ANKRD11: variants seen among roughly 807,000 people sequenced by gnomAD.
ANKRD11 encodes the protein ankyrin repeat domain-containing protein 11.
A neutral mutation model predicts 195.7 loss-of-function variants in ANKRD11; 17 were observed. That is an observed-to-expected ratio of 0.09 (90% CI 0.06 to 0.13). ANKRD11 has a LOEUF of 0.13. Among genes scored for constraint, ANKRD11 ranks in the 10% least tolerant of loss-of-function variants. The pLI is 1.00. For missense variants in ANKRD11, 3,735 were observed against 3,566.1 expected (o/e 1.05, Z -1.21); for synonymous variants, 1,953 against 1,528.1 (o/e 1.28, Z -6.49).
At chr16:89,426,529 TCACACACACACACACACACA>T (rs55664494) in intron 1 of ANKRD11, among the ~76,000 whole-genome samples, 5 of 142,258 alleles carry the variant, frequency 3.5e-5, no homozygotes, top group South Asian at 2.3e-4. Context: ...CACTTAAACA[TCACACACACACACACACACA>T]CACACACACA....
intron 2 of ANKRD11, among the ~76,000 whole-genome samples, chr16:89,381,331 C>CAAAAAAAAAAAAAAA (rs10567322): frequency 2.0e-4 from 15 of 76,366 alleles, no homozygotes; most frequent in African/African-American, 8.6e-4. Context: ...GACTCTGCTG[C>CAAAAAAAAAAAAAAA]AAAAAAAAAA....
intron 2 of ANKRD11, among the ~76,000 whole-genome samples, chr16:89,378,858 A>G (rs2040529152): frequency 7.1e-6 from 1 of 141,334 alleles, no homozygotes; most frequent in Non-Finnish European, 1.5e-5. Flanking sequence ...TAAGGGGTTG[A>G]TGGGTGGGGC....
chr16:89,437,577 A>C (rs1252536858), intron 1 of ANKRD11, among the ~76,000 whole-genome samples: 5 of 152,136 alleles, frequency 3.3e-5, no homozygotes. Context: ...AGCTCTCTCC[A>C]ACCTGACATC....
Position 89,316,954 on chromosome 16 carries a change from C to T in ANKRD11, c.66G>A (p.Val22=). ...TTACCTTTTTCCCAGTCTGCTTCTC[C>T]ACCATGTCGCTGCTGAGGGGAAGCT... ...QEELPLSSDM[V]EKQTGKKDKD... Residue 22 remains valine (V), a synonymous_variant, in exon 3 of 13, where the codon GTG becomes GTA. Transcript: ENST00000301030. 3 of 1,613,828 alleles carry T rather than the reference C, an allele frequency of 1.9e-6. No homozygotes were observed. The highest frequency in any genetic ancestry group is 1.1e-5 in the South Asian group (1 of 90,910).
At chr16:89,378,049 A>T (rs892749185) in intron 2 of ANKRD11, among the ~76,000 whole-genome samples, 1 of 152,114 alleles carries the variant, frequency 6.6e-6, no homozygotes, top group African/African-American at 2.4e-5. Flanking sequence ...AGTATACAAT[A>T]CATACGACAT....
At chr16:89,345,824 C>T (rs554212035) in intron 2 of ANKRD11, among the ~76,000 whole-genome samples, 3 of 152,250 alleles carry the variant, frequency 2.0e-5, no homozygotes, top group South Asian at 2.1e-4. Context: ...TAGGTACAGA[C>T]TTGAGGCCAG....
chr16:89,469,986 A>G (rs1421350500), intron 1 of ANKRD11, among the ~76,000 whole-genome samples: 1 of 138,374 alleles, frequency 7.2e-6, no homozygotes, highest in Non-Finnish European at 1.5e-5. Context: ...GCTCATTGCA[A>G]CCTCCACTTC....
chr16:89,349,983 A>G (rs923876781), intron 2 of ANKRD11, among the ~76,000 whole-genome samples: 7 of 152,122 alleles, frequency 4.6e-5, no homozygotes, highest in African/African-American at 1.7e-4. Flanking sequence ...AAATCAGCAG[A>G]CAACCCGATT....
intron 2 of ANKRD11, among the ~76,000 whole-genome samples, chr16:89,357,426 T>A (rs1024868599): frequency 6.6e-6 from 1 of 151,968 alleles, no homozygotes; most frequent in African/African-American, 2.4e-5. Context: ...GGTGGGAACA[T>A]ATAATGGTGC....
intron 1 of ANKRD11, among the ~76,000 whole-genome samples, chr16:89,418,782 G>A (rs912741558): frequency 2.0e-5 from 3 of 146,964 alleles, no homozygotes; most frequent in Non-Finnish European, 3.0e-5. Flanking sequence ...TTTTTTTTTG[G>A]AGACAGAGTT....
Position 89,284,789 on chromosome 16 carries a change from T to C in ANKRD11, c.1753A>G (p.Ser585Gly). The change falls in exon 9 of 13, where the codon AGT (serine) becomes GGT (glycine). Residue 585 changes from serine (S) to glycine (G), a missense_variant. Coordinates refer to ENST00000301030, the MANE Select transcript of ANKRD11 (RefSeq NM_013275.6). ...SESDYSSEGSSVESLKPVRKR... is the reference protein window; with the variant it reads ...SESDYSSEGSGVESLKPVRKR... ...CTCACTGGCTTCAGCGATTCCACACTGGAGCCCTCAGAGGAGTAGTCAGAC... is the reference window on the plus strand; with the variant it reads ...CTCACTGGCTTCAGCGATTCCACACCGGAGCCCTCAGAGGAGTAGTCAGAC... The C allele has an allele frequency of 6.2e-7, 1 of 1,613,700 alleles. No individual in the cohort carries two copies. Among genetic ancestry groups the C allele is most frequent in the Non-Finnish European group, 8.5e-7 (1 of 1,180,030 alleles).
chr16:89,422,871 ACTT>A (rs1236385995), intron 1 of ANKRD11, among the ~76,000 whole-genome samples: 1 of 152,160 alleles, frequency 6.6e-6, no homozygotes, highest in Non-Finnish European at 1.5e-5. Context: ...CACTTTAATC[ACTT>A]TTTTCTTTTT....
At chr16:89,489,248 C>G (rs1163280886) in intron 1 of ANKRD11, 1 of 152,026 alleles carries the variant, frequency 6.6e-6, no homozygotes, top group Non-Finnish European at 1.5e-5. Flanking sequence ...CGCGCGCGCA[C>G]ACACATACAC....
chr16:89,432,405 A>G (rs1000323283), intron 1 of ANKRD11, among the ~76,000 whole-genome samples: 21 of 152,084 alleles, frequency 1.4e-4, no homozygotes, highest in Non-Finnish European at 2.8e-4. Context: ...GCCGCCTCCC[A>G]GAGCCCGTGG....
intron 2 of ANKRD11, among the ~76,000 whole-genome samples, chr16:89,370,499 C>T (rs1203935541): frequency 1.3e-5 from 2 of 152,202 alleles, no homozygotes; most frequent in African/African-American, 2.4e-5. Context: ...CAAATTCCCC[C>T]AACCAAGCAA....
At chr16:89,372,226 C>G (rs1015794683) in intron 2 of ANKRD11, among the ~76,000 whole-genome samples, 4 of 152,222 alleles carry the variant, frequency 2.6e-5, no homozygotes, top group Non-Finnish European at 4.4e-5. Flanking sequence ...ACACTCAGAG[C>G]TGGGGAAAGA....
intron 1 of ANKRD11, among the ~76,000 whole-genome samples, chr16:89,444,560 A>G (rs1014998131): frequency 6.6e-6 from 1 of 152,152 alleles, no homozygotes; most frequent in Non-Finnish European, 1.5e-5. Flanking sequence ...AAATCCAATC[A>G]TCAAACTTTG....
At chr16:89,304,477 C>G (rs1473486692) in intron 4 of ANKRD11, among the ~76,000 whole-genome samples, 1 of 151,862 alleles carries the variant, frequency 6.6e-6, no homozygotes, top group Non-Finnish European at 1.5e-5. Flanking sequence ...CACATGGGCA[C>G]ACATACACGG....
chr16:89,300,447 C>T, intron 4 of ANKRD11: 1 of 193,766 alleles, frequency 5.2e-6, no homozygotes, highest in South Asian at 8.6e-5. Context: ...CTCCAGGCAC[C>T]TGCCCCGCCT....
Sources: allele counts gnomAD v4.1 joint callset (sites outside exome capture counted in the v4.1 genomes callset), GRCh38; gene constraint gnomAD v4.1.1; transcripts MANE v1.5; gene names NCBI Gene and HGNC (gene_info 2026-07-23, HGNC 2026-07-21).